CPED1: variants seen among roughly 807,000 people sequenced by gnomAD.
CPED1 encodes cadherin-like and PC-esterase domain-containing protein 1.
CPED1 carries 114 observed loss-of-function variants against 128.2 expected under a neutral mutation model. The ratio of observed to expected loss-of-function variants is 0.89; its 90% CI spans 0.76 to 1.04. The LOEUF (loss-of-function observed/expected upper bound fraction) is 1.04. CPED1 is among the 50% of genes least tolerant of loss of function. CPED1 has a pLI of 0.00. For missense variants in CPED1, 1,211 were observed against 1,207.1 expected (o/e 1.00, Z -0.05); for synonymous variants, 462 against 426.7 (o/e 1.08, Z -1.02).
In CPED1 at chr7:121,236,709, TGC is replaced by T; in HGVS notation, c.2056-4_2056-3del. 1.3e-6 allele frequency: 2 copies of T among 1,536,590 alleles called. No homozygotes were observed. The highest frequency in any genetic ancestry group is 1.8e-6 in the Non-Finnish European group (2 of 1,130,158). ...CAACAACTAATATCTATTATTTTAA[TGC>T]AGGATTGTGGTTTGCTGATTCATCC... On this transcript the variant is annotated splice_region_variant and splice_polypyrimidine_tract_variant and intron_variant, in intron 16 of 22. Coordinates refer to ENST00000310396, the MANE Select transcript of CPED1 (RefSeq NM_024913.5).
At chr7:121,105,141 CAGAGGAGAA>C (rs1794943267) in intron 7 of CPED1, among the ~76,000 whole-genome samples, 2 of 152,014 alleles carry the variant, frequency 1.3e-5, no homozygotes, top group Non-Finnish European at 2.9e-5. Flanking sequence ...GCACAGAGGG[CAGAGGAGAA>C]CTGTGGCAAA....
chr7:121,142,239 C>T, intron 16 of CPED1, 98 bp downstream of exon 16: 1 of 1,124,532 alleles, frequency 8.9e-7, no homozygotes, highest in Non-Finnish European at 1.3e-6. Context: ...AAATTGTATG[C>T]CTTGAAATCG....
At chr7:121,205,046 C>T (rs1270488414) in intron 16 of CPED1, among the ~76,000 whole-genome samples, 2 of 151,970 alleles carry the variant, frequency 1.3e-5, no homozygotes, top group Non-Finnish European at 2.9e-5. Flanking sequence ...CTCTGGAAAG[C>T]AAGGTTTATT....
intron 12 of CPED1, among the ~76,000 whole-genome samples, chr7:121,133,391 A>G (rs1002162250): frequency 1.3e-5 from 2 of 152,136 alleles, no homozygotes; most frequent in African/African-American, 4.8e-5. Flanking sequence ...GGCAAGACAT[A>G]GGTCATTTTC....
chr7:121,205,576 G>T lies in CPED1; in HGVS notation c.2056-31138G>T, dbSNP rs1213270608. On this transcript the variant is annotated intron_variant, in intron 16 of 22. Coordinates refer to ENST00000310396, the MANE Select transcript of CPED1 (RefSeq NM_024913.5). ...GAGCTTCAATTAAGACAGATAATTT[G>T]TTCTTTTAGGAGTCCTGAAATGAAG... Among the ~76,000 whole-genome samples the T allele has an allele frequency of 2.0e-5, 3 of 151,652 alleles. No homozygotes were observed. The East Asian group carries it at 5.8e-4, about 29-fold the overall frequency.
intron 18 of CPED1, among the ~76,000 whole-genome samples, chr7:121,257,577 C>T (rs1175135284): frequency 6.6e-6 from 1 of 151,904 alleles, no homozygotes; most frequent in African/African-American, 2.4e-5. Context: ...TCATATTTCA[C>T]ACAACACAGA....
rs111232333 is a variant in CPED1 at position 121,286,435 on chromosome 7, G to A, written c.2869-9005G>A. ...ATAACTAAACAAGCATGGCAGGAAT[G>A]CCCTGCCTGTCAGTGCATTACAGAG... On this transcript the variant is annotated intron_variant, in intron 22 of 22. Transcript: ENST00000310396. Among the ~76,000 whole-genome samples, 168 of 152,284 alleles carry A rather than the reference G, an allele frequency of 1.1e-3. 1 individual carries two copies. The highest frequency in any genetic ancestry group is 3.9e-3 in the African/African-American group (162 of 41,562).
At chr7:121,032,162 C>T (rs1585028900) in intron 3 of CPED1, among the ~76,000 whole-genome samples, 1 of 151,974 alleles carries the variant, frequency 6.6e-6, no homozygotes, top group South Asian at 2.1e-4. Context: ...TTTAAAGCAT[C>T]AAAACATTAT....
At chr7:121,203,075 C>T (rs548786267) in intron 16 of CPED1, among the ~76,000 whole-genome samples, 164 of 152,246 alleles carry the variant, frequency 1.1e-3, no homozygotes, top group African/African-American at 3.7e-3. Flanking sequence ...ACACCTGTCT[C>T]ACCACCAGAG....
chr7:121,279,819 G>A (rs1372094974), intron 22 of CPED1, among the ~76,000 whole-genome samples: 1 of 152,160 alleles, frequency 6.6e-6, no homozygotes, highest in Non-Finnish European at 1.5e-5. Context: ...AATTAATCTA[G>A]AGGCTGAAAA....
chr7:121,231,611 C>T (rs1322367434), intron 16 of CPED1, among the ~76,000 whole-genome samples: 7 of 151,878 alleles, frequency 4.6e-5, no homozygotes, highest in Admixed American at 3.3e-4. Context: ...GTATGTAGAA[C>T]GTTGGATGGA....
At chr7:121,232,643 C>G (rs867973168) in intron 16 of CPED1, among the ~76,000 whole-genome samples, 1 of 152,044 alleles carries the variant, frequency 6.6e-6, no homozygotes, top group African/African-American at 2.4e-5. Flanking sequence ...AAGGGAACTC[C>G]CTGCCTTCCC....
chr7:121,079,578 C>T (rs541617097), intron 5 of CPED1, among the ~76,000 whole-genome samples: 15 of 152,336 alleles, frequency 9.8e-5, no homozygotes, highest in South Asian at 6.2e-4. Context: ...CCAAAGGTGT[C>T]TCTTGCTCCT....
At position 121,056,069 on chromosome 7, in the gene CPED1, A is replaced by C. The variant is rs145769044; in HGVS notation, c.541-8169A>C. On this transcript the variant is annotated intron_variant, in intron 4 of 22. Transcript: ENST00000310396. ...TAAATAATGCATATGAAACTCATAC[A>C]TGATTAATCACATGGAAATGCTCAG... Among the ~76,000 whole-genome samples, 175 of 152,250 alleles carry C rather than the reference A, an allele frequency of 1.1e-3. 1 individual carries two copies. Among genetic ancestry groups the C allele is most frequent in the African/African-American group, 4.0e-3 (165 of 41,586 alleles).
Position 121,267,198 on chromosome 7 carries a change from A to G in CPED1, c.2634-17A>G, listed in dbSNP as rs771643177. 7.3e-7 allele frequency: 1 copy of G among 1,365,032 alleles called. No individual in the cohort carries two copies. The highest frequency in any genetic ancestry group is 1.8e-5 in the Admixed American group (1 of 55,804). 84.6% of individuals were successfully genotyped at this position (1,365,032 alleles called of 1,614,324 possible). A position where few individuals can be genotyped will look rare whatever the true frequency, so the allele number is the denominator to read the frequency against. The stretch of plus-strand genomic sequence containing the variant: ...AATTAAAGTTACTGACTTTAGAATT[A>G]TAATTATCTCATTCAGGGAAAATTT... On this transcript the variant is annotated splice_polypyrimidine_tract_variant and intron_variant, in intron 20 of 22. Transcript: ENST00000310396.
chr7:121,038,186 G>C (rs1792952143), intron 3 of CPED1, among the ~76,000 whole-genome samples: 1 of 151,752 alleles, frequency 6.6e-6, no homozygotes, highest in African/African-American at 2.4e-5. Flanking sequence ...GAATAGAAGT[G>C]GTGAAAGTAG....
chr7:121,170,740 T>C (rs941073656), intron 16 of CPED1, among the ~76,000 whole-genome samples: 1 of 151,938 alleles, frequency 6.6e-6, no homozygotes, highest in Non-Finnish European at 1.5e-5. Flanking sequence ...AAGAAATGAG[T>C]TTCTATCCTT....
In CPED1 at chr7:121,097,784, A is replaced by C; in HGVS notation, c.702A>C (p.Thr234=). The C allele has an allele frequency of 6.2e-7, 1 of 1,613,888 alleles. No individual in the cohort carries two copies. The highest frequency in any genetic ancestry group is 1.7e-4 in the Middle Eastern group (1 of 6,058). ...KPSTSSHLLK[T]VKPRVWKPGD... Reference sequence around the variant, plus strand: ...GTACTTCGAGTCACCTTTTAAAAACAGTGAAGCCACGTGTGTGGAAACCAG... The same window carrying C: ...GTACTTCGAGTCACCTTTTAAAAACCGTGAAGCCACGTGTGTGGAAACCAG... The change falls in exon 6 of 23, where the codon ACA becomes ACC. Residue 234 remains threonine, a synonymous_variant. Coordinates refer to ENST00000310396, the MANE Select transcript of CPED1 (RefSeq NM_024913.5).
At position 121,109,932 on chromosome 7, in the gene CPED1, G is replaced by A. The variant is rs186385445; in HGVS notation, c.918+9838G>A. Among the ~76,000 whole-genome samples the A allele has an allele frequency of 7.7e-3, 1,166 of 152,274 alleles. 7 individuals carry two copies. The highest frequency in any genetic ancestry group is 0.014 in the Middle Eastern group (4 of 294). The stretch of plus-strand genomic sequence containing the variant: ...ATAGGACGATGATTACATCCTTTCA[G>A]GCTGAGTAATAAGCAAATATCCAAT... On this transcript the variant is annotated intron_variant, in intron 7 of 22. Coordinates refer to ENST00000310396, the MANE Select transcript of CPED1 (RefSeq NM_024913.5).
Sources: gnomAD v4.1 joint callset for allele counts (sites outside exome capture counted in the v4.1 genomes callset) on GRCh38, gnomAD v4.1.1 for gene constraint, MANE v1.5 for transcripts, NCBI Gene and HGNC (gene_info 2026-07-23, HGNC 2026-07-21) for gene names.